Variants in NETO1 observed in about 807,000 individuals in gnomAD.
NETO1 encodes neuropilin and tolloid-like protein 1.
NETO1 carries 26 observed loss-of-function variants against 61.3 expected under a neutral mutation model. That is an observed-to-expected ratio of 0.42 (90% CI 0.31 to 0.59). The LOEUF is 0.59. Ranked by LOEUF, NETO1 falls within the 20% of genes least tolerant of loss-of-function variation. The pLI, the probability that NETO1 is intolerant of heterozygous loss-of-function variation, is 0.12. For missense variants in NETO1, 531 were observed against 662.8 expected, an observed-to-expected ratio of 0.80 and a Z score of 2.18; for synonymous variants, 225 against 225.8, an observed-to-expected ratio of 1.00 and a Z score of 0.03.
At position 72,863,813 on chromosome 18, in the gene NETO1, T is replaced by C. The variant is rs74711152; in HGVS notation, c.220+995A>G. ...AGACAGTCTTGCCTGTGTGTGTGTGTGGGGGGAAGGTGGGTGCTTCCAGGT... is the reference window on the plus strand; with the variant it reads ...AGACAGTCTTGCCTGTGTGTGTGTGCGGGGGGAAGGTGGGTGCTTCCAGGT... On this transcript the variant is annotated intron_variant, in intron 3 of 10. Coordinates refer to ENST00000327305, the MANE Select transcript of NETO1 (RefSeq NM_138966.5). Among the ~76,000 whole-genome samples, 6 of 151,970 alleles carry C rather than the reference T, an allele frequency of 3.9e-5. No homozygotes were observed. In the East Asian group the frequency reaches 1.2e-3, roughly 30 times the overall value.
chr18:72,852,011 C>A (rs1467037472), intron 4 of NETO1, among the ~76,000 whole-genome samples: 1 of 152,112 alleles, frequency 6.6e-6, no homozygotes, highest in Non-Finnish European at 1.5e-5. Context: ...ATTCCAAGGT[C>A]TTTTCTAATC....
At chr18:72,810,254 A>G (rs565329499) in intron 4 of NETO1, among the ~76,000 whole-genome samples, 1 of 152,184 alleles carries the variant, frequency 6.6e-6, no homozygotes, top group African/African-American at 2.4e-5. Flanking sequence ...TTATTACAGT[A>G]ATTTAGGTTT....
At chr18:72,860,135 G>A (rs1005907360) in intron 3 of NETO1, among the ~76,000 whole-genome samples, 1 of 152,106 alleles carries the variant, frequency 6.6e-6, no homozygotes, top group Non-Finnish European at 1.5e-5. Context: ...ATTCAGCCAG[G>A]ATACTCCAGA....
chr18:72,863,813 T>G (rs74711152), intron 3 of NETO1, among the ~76,000 whole-genome samples: 8,940 of 151,950 alleles, frequency 0.059, 477 homozygotes, highest in East Asian at 0.29. Context: ...TGTGTGTGTG[T>G]GGGGGGAAGG....
At position 72,747,979 on chromosome 18, in the gene NETO1, G is replaced by C. The variant is rs1394719053; in HGVS notation, c.*200C>G. 1 of 254,676 alleles carries C rather than the reference G, an allele frequency of 3.9e-6. No homozygotes were observed. Among genetic ancestry groups the C allele is most frequent in the Non-Finnish European group, 6.2e-6 (1 of 161,564 alleles). 15.8% of individuals were successfully genotyped at this position (254,676 alleles called of 1,614,324 possible). A position where few individuals can be genotyped will look rare whatever the true frequency, so the allele number is the denominator to read the frequency against. On this transcript the variant is annotated 3_prime_UTR_variant, in exon 11 of 11. Transcript: ENST00000327305. ...AAAACTAAGGAGCACTTGGTGGCCAGCAACCAAATTACGAAATGAACATAT... is the reference window on the plus strand; with the variant it reads ...AAAACTAAGGAGCACTTGGTGGCCACCAACCAAATTACGAAATGAACATAT...
At chr18:72,846,560 A>C (rs576195918) in intron 4 of NETO1, among the ~76,000 whole-genome samples, 1 of 143,658 alleles carries the variant, frequency 7.0e-6, no homozygotes, top group East Asian at 2.0e-4. Flanking sequence ...CTGCTTATGT[A>C]AGTGAAAGAA....
intron 4 of NETO1, among the ~76,000 whole-genome samples, chr18:72,810,081 G>T (rs1320072630): frequency 6.6e-6 from 1 of 152,164 alleles, no homozygotes; most frequent in Admixed American, 6.5e-5. Flanking sequence ...GTCATCTCCT[G>T]GAAGTGTACA....
At chr18:72,774,131 T>C (rs922773422) in intron 7 of NETO1, among the ~76,000 whole-genome samples, 3 of 152,204 alleles carry the variant, frequency 2.0e-5, no homozygotes, top group African/African-American at 7.2e-5. Context: ...AAATATGCTA[T>C]TCATCAATCA....
rs71166423 is a variant in NETO1, at chr18:72,772,793, TTC to T, written c.868+10883_868+10884del. ...TATATATATACAGATCTCTATATAG[TTC>T]TCTCTCTCTCTCTCTCTCTCTCTCT... is the stretch of plus-strand genomic sequence containing the variant. On this transcript the variant is annotated intron_variant, in intron 7 of 10. Transcript: ENST00000327305. 2.8e-3 allele frequency among the ~76,000 whole-genome samples: 165 copies of T among 58,874 alleles called. 1 individual carries two copies. The highest frequency in any genetic ancestry group is 0.011 in the Middle Eastern group (1 of 90). The allele number at this position is 58,874 out of a possible 152,430, so 38.6% of individuals were successfully genotyped here.
intron 4 of NETO1, among the ~76,000 whole-genome samples, chr18:72,858,160 G>A (rs1191697501): frequency 6.6e-6 from 1 of 152,118 alleles, no homozygotes; most frequent in Non-Finnish European, 1.5e-5. Context: ...TTATTGTAAT[G>A]AATGGTAACT....
chr18:72,852,301 G>A (rs1311255567), intron 4 of NETO1, among the ~76,000 whole-genome samples: 1 of 151,738 alleles, frequency 6.6e-6, no homozygotes, highest in Non-Finnish European at 1.5e-5. Flanking sequence ...TGCAACCTCC[G>A]CCTCCTGGGT....
At chr18:72,834,735 G>A in intron 4 of NETO1, 7 of 984,938 alleles carry the variant, frequency 7.1e-6, no homozygotes, top group African/African-American at 1.7e-5. Flanking sequence ...CTGTTTGATT[G>A]TTTGAGCAAA....
rs17086310 is a variant in NETO1 at position 72,791,825 on chromosome 18, G to A, written c.639+2292C>T. On this transcript the variant is annotated intron_variant, in intron 6 of 10. Coordinates refer to ENST00000327305, the MANE Select transcript of NETO1 (RefSeq NM_138966.5). ...CCTTGCATGTGAATCCACACCTTAC[G>A]AAAACAGCATAATAAACTGCAACCT... Among the ~76,000 whole-genome samples the A allele has an allele frequency of 3.9e-5, 6 of 152,072 alleles. 1 individual carries two copies. Among genetic ancestry groups the A allele is most frequent in the African/African-American group, 1.2e-4 (5 of 41,416 alleles).
chr18:72,750,519 T>C lies in NETO1; in HGVS notation c.1084A>G (p.Ile362Val). 1.2e-6 allele frequency: 2 copies of C among 1,614,002 alleles called. No homozygotes were observed. Among genetic ancestry groups the C allele is most frequent in the Admixed American group, 1.7e-5 (1 of 60,000 alleles). The part of the protein sequence containing the change: ...IVIILIIISV[I>V]VQIKQPRKKY... ...TTACGAGGCTGTTTGATCTGTACGA[T>C]GACAGAGATGATAATGAGGATGATC... Residue 362 changes from isoleucine to valine, a missense_variant, in exon 9 of 11, where the codon ATC (isoleucine) becomes GTC (valine). Ile to Val is a conservative substitution (Grantham distance 29). Transcript: ENST00000327305.
At chr18:72,807,018 T>C (rs2072695886) in intron 4 of NETO1, among the ~76,000 whole-genome samples, 1 of 152,208 alleles carries the variant, frequency 6.6e-6, no homozygotes, top group Non-Finnish European at 1.5e-5. Flanking sequence ...TTAAGTGCCA[T>C]TTTAAATATC....
chr18:72,744,156 G>T lies in NETO1; in HGVS notation c.*4023C>A, dbSNP rs2070383052. ...TACACAAGAAAGTACAGAATCAGAG[G>T]CTACAAGAAAATGATGAGTTGATAT... On this transcript the variant is annotated 3_prime_UTR_variant, in exon 11 of 11. Coordinates refer to ENST00000327305, the MANE Select transcript of NETO1 (RefSeq NM_138966.5). 6.6e-6 allele frequency: 1 copy of T among 152,070 alleles called. No homozygotes were observed. Among genetic ancestry groups the T allele is most frequent in the Non-Finnish European group, 1.5e-5 (1 of 68,010 alleles). 9.4% of individuals were successfully genotyped at this position (152,070 alleles called of 1,614,324 possible). A position where few individuals can be genotyped will look rare whatever the true frequency, so the allele number is the denominator to read the frequency against.
At chr18:72,755,999 G>C in intron 8 of NETO1, 35 bp downstream of exon 8, 3 of 1,171,906 alleles carry the variant, frequency 2.6e-6, no homozygotes, top group Non-Finnish European at 2.5e-6. Context: ...CCACAGGGAG[G>C]AAATTTTTTT....
chr18:72,815,263 T>C (rs1182696593), intron 4 of NETO1, among the ~76,000 whole-genome samples: 1 of 152,154 alleles, frequency 6.6e-6, no homozygotes, highest in Non-Finnish European at 1.5e-5. Flanking sequence ...ATGATTTCTA[T>C]AAGGGAAGAT....
chr18:72,807,235 T>C (rs545408286), intron 4 of NETO1, among the ~76,000 whole-genome samples: 1 of 152,338 alleles, frequency 6.6e-6, no homozygotes, highest in Non-Finnish European at 1.5e-5. Flanking sequence ...TCTGTCTACC[T>C]AATGGTTTTC....
Sources: gnomAD v4.1 joint callset for allele counts (sites outside exome capture counted in the v4.1 genomes callset) on GRCh38, gnomAD v4.1.1 for gene constraint, MANE v1.5 for transcripts, NCBI Gene and HGNC (gene_info 2026-07-23, HGNC 2026-07-21) for gene names.